NPAS2: variants seen among roughly 807,000 people sequenced by gnomAD.
The protein encoded by NPAS2 is neuronal PAS domain protein 2, also known as neuronal PAS domain-containing protein 2.
Under a neutral mutation model 107.5 loss-of-function variants are expected in NPAS2, and 23 were observed. The ratio of observed to expected loss-of-function variants is 0.21; its 90% CI spans 0.15 to 0.30. NPAS2 has a LOEUF of 0.30. Ranked by LOEUF, NPAS2 falls within the 10% of genes least tolerant of loss-of-function variation. The pLI is 1.00. For synonymous variants in NPAS2, 403 were observed against 417.5 expected (o/e 0.97, Z 0.42); for missense variants, 756 against 1,043.3 (o/e 0.72, Z 3.79).
At chr2:100,971,215 C>A in intron 12 of NPAS2, 141 bp downstream of exon 12, 1 of 654,904 alleles carries the variant, frequency 1.5e-6, no homozygotes, top group Non-Finnish European at 2.5e-6. Flanking sequence ...GGGAGGATCC[C>A]TTGAGGCCGT....
chr2:100,971,132 C>T, intron 12 of NPAS2, 58 bp downstream of exon 12: 1 of 1,493,930 alleles, frequency 6.7e-7, no homozygotes, highest in Non-Finnish European at 9.3e-7. Flanking sequence ...AAAATGCAGC[C>T]AACCAGTCTC....
At chr2:100,864,198 G>A (rs916824355) in intron 1 of NPAS2, among the ~76,000 whole-genome samples, 11 of 152,116 alleles carry the variant, frequency 7.2e-5, no homozygotes, top group African/African-American at 1.9e-4. Flanking sequence ...TTATCTTTTC[G>A]GCTTGTTGAT....
At position 100,964,847 on chromosome 2, in the gene NPAS2, T is replaced by C. The variant is rs1167612604; in HGVS notation, c.718-14T>C. 9 of 1,560,382 alleles carry C rather than the reference T, an allele frequency of 5.8e-6. No individual in the cohort carries two copies. The highest frequency in any genetic ancestry group is 7.8e-6 in the Non-Finnish European group (9 of 1,154,756). Reference sequence around the variant, plus strand: ...ACCCAAGCAACTTTTTTTTTTTTTCTGCTTCCAATACAGGAAATGTGCATA... The same window carrying C: ...ACCCAAGCAACTTTTTTTTTTTTTCCGCTTCCAATACAGGAAATGTGCATA... On this transcript the variant is annotated splice_polypyrimidine_tract_variant and intron_variant, in intron 8 of 20. Coordinates refer to ENST00000335681, the MANE Select transcript of NPAS2 (RefSeq NM_002518.4).
chr2:100,852,979 T>G (rs1460476905), intron 1 of NPAS2, among the ~76,000 whole-genome samples: 1 of 152,240 alleles, frequency 6.6e-6, no homozygotes, highest in Non-Finnish European at 1.5e-5. Context: ...AGTATTAAAT[T>G]AGCAAGCTGA....
At chr2:100,880,065 A>C (rs1025448450) in intron 1 of NPAS2, among the ~76,000 whole-genome samples, 3 of 152,280 alleles carry the variant, frequency 2.0e-5, no homozygotes, top group African/African-American at 7.2e-5. Context: ...CTGAAGGCCA[A>C]CTGCATCCCT....
At chr2:100,854,304 G>A (rs1336142042) in intron 1 of NPAS2, among the ~76,000 whole-genome samples, 2 of 152,184 alleles carry the variant, frequency 1.3e-5, no homozygotes, top group East Asian at 1.9e-4. Context: ...TGTGGGAGTG[G>A]CTGAAACCCA....
chr2:100,945,794 C>A (rs894517948), intron 5 of NPAS2, among the ~76,000 whole-genome samples: 1 of 152,228 alleles, frequency 6.6e-6, no homozygotes, highest in Non-Finnish European at 1.5e-5. Flanking sequence ...GGCTCCCACT[C>A]AAGGATTCCT....
intron 19 of NPAS2, among the ~76,000 whole-genome samples, chr2:100,992,040 C>G (rs961222550): frequency 3.9e-5 from 6 of 152,178 alleles, no homozygotes; most frequent in African/African-American, 1.4e-4. Flanking sequence ...TGTAAAGTTC[C>G]GTTCATGTCT....
At chr2:100,913,829 T>C (rs1420467900) in intron 2 of NPAS2, among the ~76,000 whole-genome samples, 2 of 152,146 alleles carry the variant, frequency 1.3e-5, no homozygotes, top group African/African-American at 4.8e-5. Flanking sequence ...GGACACAAAC[T>C]TGGGGGTGCT....
chr2:100,954,682 A>G (rs1273180932), intron 7 of NPAS2, among the ~76,000 whole-genome samples: 932 of 26,704 alleles, frequency 0.035, 12 homozygotes, highest in African/African-American at 0.17. Context: ...AAAAAAAAAG[A>G]AAAAAAAGAA....
intron 15 of NPAS2, among the ~76,000 whole-genome samples, chr2:100,980,525 A>C (rs1005075673): frequency 2.0e-5 from 3 of 151,892 alleles, no homozygotes; most frequent in Non-Finnish European, 2.9e-5. Context: ...GCTGGAGTGC[A>C]GTTGTGCAAT....
chr2:100,966,654 C>T (rs776204696), intron 10 of NPAS2, among the ~76,000 whole-genome samples: 4 of 145,368 alleles, frequency 2.8e-5, no homozygotes, highest in Non-Finnish European at 5.9e-5. Context: ...AGTGCAGTGG[C>T]GCAATCTCGG....
intron 1 of NPAS2, among the ~76,000 whole-genome samples, chr2:100,863,566 T>C (rs1050852285): frequency 2.6e-5 from 4 of 152,178 alleles, no homozygotes; most frequent in Non-Finnish European, 4.4e-5. Flanking sequence ...CATGGGGAAT[T>C]ATATCTAATG....
In NPAS2 at chr2:100,868,297, A is replaced by C. The variant is rs1679371845; in HGVS notation, c.-22-36436A>C. Among the ~76,000 whole-genome samples, 3 of 152,212 alleles carry C rather than the reference A, an allele frequency of 2.0e-5. No individual in the cohort carries two copies. The South Asian group carries it at 6.2e-4, about 31-fold the overall frequency. On this transcript the variant is annotated intron_variant, in intron 1 of 20. Transcript: ENST00000335681. ...AGGGTGATGGTGATGTTCTCTCAGC[A>C]CATTGAAGGGATTCTTTTCCTGTTG... is the stretch of plus-strand genomic sequence containing the variant.
intron 1 of NPAS2, among the ~76,000 whole-genome samples, chr2:100,857,138 T>C (rs987483117): frequency 2.6e-5 from 4 of 152,050 alleles, no homozygotes; most frequent in Non-Finnish European, 5.9e-5. Context: ...AAATCCCATC[T>C]CTACTAAAAA....
At chr2:100,897,900 A>G (rs1263066535) in intron 1 of NPAS2, among the ~76,000 whole-genome samples, 1 of 152,138 alleles carries the variant, frequency 6.6e-6, no homozygotes, top group Non-Finnish European at 1.5e-5. Flanking sequence ...TGTATATCAC[A>G]TGCAGTTGGC....
chr2:100,993,480 C>A lies in NPAS2; in HGVS notation c.2245C>A (p.Leu749Met). The A allele has an allele frequency of 6.2e-7, 1 of 1,607,862 alleles. No homozygotes were observed. Among genetic ancestry groups the A allele is most frequent in the East Asian group, 2.2e-5 (1 of 44,490 alleles). Reference sequence around the variant, plus strand: ...CTTCCCTGCCTCCCAACCATCGCCCCTGCAGCCTGCACAGGCCCGGCAGCA... The same window carrying A: ...CTTCCCTGCCTCCCAACCATCGCCCATGCAGCCTGCACAGGCCCGGCAGCA... ...PSFPASQPSP[L>M]QPAQARQQPP... Residue 749 changes from leucine to methionine, a missense_variant, in exon 20 of 21, where the codon CTG becomes ATG. Leu to Met is a conservative substitution (Grantham distance 15). Around this residue, in one of 4 missense-constraint regions of NPAS2, gnomAD observed 496 missense variants for 594.4 expected, o/e 0.83. Coordinates refer to ENST00000335681, the MANE Select transcript of NPAS2 (RefSeq NM_002518.4).
At chr2:100,898,306 A>C (rs191193237) in intron 1 of NPAS2, among the ~76,000 whole-genome samples, 110 of 152,172 alleles carry the variant, frequency 7.2e-4, no homozygotes, top group African/African-American at 2.3e-3. Context: ...TCATGCCCCA[A>C]CCTCCCAAAG....
In NPAS2 at chr2:100,959,282, T is replaced by TAAA. The variant is rs1573724649; in HGVS notation, c.599-4776_599-4775insAAA. Among the ~76,000 whole-genome samples, 19 of 150,180 alleles carry TAAA rather than the reference T, an allele frequency of 1.3e-4. No individual in the cohort carries two copies. In the East Asian group the frequency reaches 1.6e-3, roughly 12 times the overall value. On this transcript the variant is annotated intron_variant, in intron 7 of 20. Coordinates refer to ENST00000335681, the MANE Select transcript of NPAS2 (RefSeq NM_002518.4). The stretch of plus-strand genomic sequence containing the variant: ...AGACCCTGTCTCAAAAAAAAAAAAT[T>TAAA]TTTTTGCAAAGCCCCAGCTCTCTCT...
Sources: gnomAD v4.1 joint callset for allele counts (sites outside exome capture counted in the v4.1 genomes callset) on GRCh38, gnomAD v4.1.1 for gene constraint, gnomAD v4.1.1 regional missense constraint, MANE v1.5 for transcripts, NCBI Gene and HGNC (gene_info 2026-07-23, HGNC 2026-07-21) for gene names.